The following ECE1 variants were observed in gnomAD, a reference collection of about 807,000 sequenced individuals.
ECE1 encodes the protein endothelin converting enzyme 1.
ECE1 carries 35 observed loss-of-function variants against 98.6 expected under a neutral mutation model. The observed-to-expected ratio is 0.35, with a 90% CI of 0.27 to 0.47. The LOEUF (loss-of-function observed/expected upper bound fraction) is 0.47. ECE1 is among the 20% of genes least tolerant of loss of function. The probability of loss-of-function intolerance (pLI) is 1.00; values close to 1 mark genes in which losing one functional copy is unlikely to be tolerated. For synonymous variants in ECE1, 394 were observed against 407.1 expected, an observed-to-expected ratio of 0.97 and a Z score of 0.39; for missense variants, 814 against 1,025.3, an observed-to-expected ratio of 0.79 and a Z score of 2.81.
At chr1:21,332,780 GA>G (rs1639228393) in intron 1 of ECE1, among the ~76,000 whole-genome samples, 1 of 90,618 alleles carries the variant, frequency 1.1e-5, no homozygotes, top group Non-Finnish European at 2.1e-5. Context: ...AGTCCAAGGT[GA>G]CCCTGAGAGA....
chr1:21,320,018 A>G (rs1487366949), intron 1 of ECE1, among the ~76,000 whole-genome samples: 1 of 152,242 alleles, frequency 6.6e-6, no homozygotes, highest in Non-Finnish European at 1.5e-5. Flanking sequence ...ACGATAGCCG[A>G]TCAGCTAAAA....
intron 18 of ECE1, among the ~76,000 whole-genome samples, chr1:21,221,213 G>A (rs7551615): frequency 0.25 from 38,731 of 151,950 alleles, 7,321 homozygotes; most frequent in African/African-American, 0.53. Flanking sequence ...TATGTTGCCC[G>A]GGCTGGAGTG....
chr1:21,268,382 C>T (rs1050204415), intron 4 of ECE1, among the ~76,000 whole-genome samples: 3 of 152,170 alleles, frequency 2.0e-5, no homozygotes, highest in Non-Finnish European at 2.9e-5. Flanking sequence ...GAGTGAGGTG[C>T]GAGGCATCTG....
At chr1:21,268,074 A>G (rs1441449660) in intron 4 of ECE1, among the ~76,000 whole-genome samples, 1 of 152,222 alleles carries the variant, frequency 6.6e-6, no homozygotes, top group Non-Finnish European at 1.5e-5. Flanking sequence ...TAAAGCAAAC[A>G]GGACAGGTGC....
chr1:21,267,779 G>A (rs1000911872), intron 4 of ECE1, among the ~76,000 whole-genome samples: 1 of 152,190 alleles, frequency 6.6e-6, no homozygotes, highest in African/African-American at 2.4e-5. Flanking sequence ...GTCCATAGAT[G>A]GCTTCCTTCC....
rs1362871563 is a variant in ECE1, at chr1:21,279,718, C to A, written c.139-386G>T. ...AGCTGGGCTCTCTGCAGAGCCCCCACATCAGCGGGGTCAGGGACAAGGGTG... is the reference window on the plus strand; with the variant it reads ...AGCTGGGCTCTCTGCAGAGCCCCCAAATCAGCGGGGTCAGGGACAAGGGTG... On this transcript the variant is annotated intron_variant, in intron 2 of 18. Coordinates refer to ENST00000374893, the MANE Select transcript of ECE1 (RefSeq NM_001397.3). The A allele has an allele frequency of 3.8e-6, 5 of 1,325,678 alleles. No individual in the cohort carries two copies. The African/African-American group carries it at 5.9e-5, about 16-fold the overall frequency. The allele number at this position is 1,325,678 out of a possible 1,614,324, so 82.1% of individuals were successfully genotyped here.
At chr1:21,237,670 A>G (rs1468874045) in intron 11 of ECE1, among the ~76,000 whole-genome samples, 1 of 152,180 alleles carries the variant, frequency 6.6e-6, no homozygotes, top group Non-Finnish European at 1.5e-5. Context: ...CAGATGATGT[A>G]AGAACTGTCC....
rs777864223 is a variant in ECE1, at chr1:21,345,359, C to G, written c.3+17G>C. ...GGCTGGGCTGGACCGGACCAGACCTCCGCGCGCAGCACTCACCATAGCTCG... is the reference window on the plus strand; with the variant it reads ...GGCTGGGCTGGACCGGACCAGACCTGCGCGCGCAGCACTCACCATAGCTCG... On this transcript the variant is annotated intron_variant, in intron 1 of 18. Transcript: ENST00000415912. The surrounding 1 kb of genome is among the most constrained non-coding windows in gnomAD (Gnocchi z 5.1). 8.1e-6 allele frequency: 11 copies of G among 1,359,558 alleles called. No individual in the cohort carries two copies. In the South Asian group the frequency reaches 1.8e-4, roughly 22 times the overall value. The allele number at this position is 1,359,558 out of a possible 1,614,324, so 84.2% of individuals were successfully genotyped here.
At chr1:21,256,372 A>G (rs1029855236) in intron 7 of ECE1, among the ~76,000 whole-genome samples, 1 of 152,192 alleles carries the variant, frequency 6.6e-6, no homozygotes, top group Non-Finnish European at 1.5e-5. Flanking sequence ...CCTGGCCAAC[A>G]TGGCGAAACC....
upstream of ECE1, among the ~76,000 whole-genome samples, chr1:21,294,767 C>T (rs1363289792): frequency 2.0e-5 from 3 of 152,132 alleles, no homozygotes; most frequent in Non-Finnish European, 2.9e-5. This position sits in a 1 kb window ranked among gnomAD's most constrained non-coding sequence, Gnocchi z 4.2. Flanking sequence ...ATTGTTAAGT[C>T]ATCTTGGGGT....
chr1:21,278,693 A>G (rs2103336867), intron 3 of ECE1, among the ~76,000 whole-genome samples: 1 of 152,308 alleles, frequency 6.6e-6, no homozygotes, highest in South Asian at 2.1e-4. Context: ...ATTTGGTCCG[A>G]GGAAATAATT....
intron 1 of ECE1, among the ~76,000 whole-genome samples, chr1:21,326,725 C>A (rs889299004): frequency 6.6e-6 from 1 of 152,106 alleles, no homozygotes; most frequent in Admixed American, 6.5e-5. Context: ...TAGGTGCCAA[C>A]TGGGGTGACA....
chr1:21,288,797 G>T (rs1444892981), intron 2 of ECE1, among the ~76,000 whole-genome samples: 1 of 152,190 alleles, frequency 6.6e-6, no homozygotes, highest in Non-Finnish European at 1.5e-5. Context: ...TTGACGTGTC[G>T]CTCTCGGATT....
At chr1:21,292,390 T>C (rs1638223083), upstream of ECE1, among the ~76,000 whole-genome samples, 2 of 152,102 alleles carry the variant, frequency 1.3e-5, no homozygotes, top group African/African-American at 4.8e-5. Context: ...TGTCTCTATC[T>C]GGAACATTTT....
At chr1:21,239,044 G>A (rs1329169527) in intron 10 of ECE1, among the ~76,000 whole-genome samples, 1 of 151,420 alleles carries the variant, frequency 6.6e-6, no homozygotes, top group Non-Finnish European at 1.5e-5. Context: ...TGTTGCCCAG[G>A]CTGGTCTAGA....
At chr1:21,306,333 GT>G (rs763952464) in intron 1 of ECE1, among the ~76,000 whole-genome samples, 73 of 140,734 alleles carry the variant, frequency 5.2e-4, no homozygotes, top group Admixed American at 5.7e-4. Context: ...GTGTTTTTTT[GT>G]TTTTTTTTTT....
In ECE1 at chr1:21,218,242, C is replaced by T. The variant is rs3026912; in HGVS notation, c.*1713G>A. 0.1 allele frequency: 15,284 copies of T among 152,310 alleles called. 980 individuals are homozygous for T. The highest frequency in any genetic ancestry group is 0.25 in the South Asian group (1,204 of 4,820). 9.4% of individuals were successfully genotyped at this position (152,310 alleles called of 1,614,324 possible). A position where few individuals can be genotyped will look rare whatever the true frequency, so the allele number is the denominator to read the frequency against. On this transcript the variant is annotated 3_prime_UTR_variant, in exon 19 of 19. Transcript: ENST00000374893. The surrounding 1 kb of genome is among the most constrained non-coding windows in gnomAD (Gnocchi z 4.0). Reference sequence around the variant, plus strand: ...TACTATCTTGATTCAACCCAGGGGCCGACAATGGACTGCAGCCCAGGGTAA... The same window carrying T: ...TACTATCTTGATTCAACCCAGGGGCTGACAATGGACTGCAGCCCAGGGTAA...
chr1:21,257,134 G>A (rs1028953028), intron 7 of ECE1, among the ~76,000 whole-genome samples: 14 of 152,188 alleles, frequency 9.2e-5, no homozygotes, highest in Admixed American at 9.2e-4. Flanking sequence ...GCATCTCTGA[G>A]CCTGATACCC....
chr1:21,305,142 CAT>C (rs1328525330), intron 1 of ECE1, among the ~76,000 whole-genome samples: 15 of 152,350 alleles, frequency 9.8e-5, no homozygotes, highest in African/African-American at 3.6e-4. Flanking sequence ...GCACTAGCCA[CAT>C]GTCAAATGCT....
Sources: allele counts gnomAD v4.1 joint callset (sites outside exome capture counted in the v4.1 genomes callset), GRCh38; gene constraint gnomAD v4.1.1; non-coding constraint Gnocchi (gnomAD v3.1); transcripts MANE v1.5; gene names NCBI Gene and HGNC (gene_info 2026-07-23, HGNC 2026-07-21).